KIAA2012: variants seen among roughly 807,000 people sequenced by gnomAD.
KIAA2012 encodes the protein uncharacterized protein KIAA2012.
Under a neutral mutation model 150.6 loss-of-function variants are expected in KIAA2012, and 125 were observed. The ratio of observed to expected loss-of-function variants is 0.83; its 90% CI spans 0.72 to 0.96. KIAA2012 has a LOEUF of 0.96. Ranked by LOEUF, KIAA2012 falls within the 40% of genes least tolerant of loss-of-function variation. The probability of loss-of-function intolerance (pLI) is 0.00; values close to 1 mark genes in which losing one functional copy is unlikely to be tolerated. For missense variants in KIAA2012, 1,219 were observed against 1,354.9 expected (o/e 0.90, Z 1.57); for synonymous variants, 462 against 504.7 (o/e 0.92, Z 1.13).
chr2:202,123,134 G>C (rs11687693), intron 11 of KIAA2012, among the ~76,000 whole-genome samples: 52,076 of 152,034 alleles, frequency 0.34, 9,179 homozygotes, highest in East Asian at 0.59. Flanking sequence ...GAGTTCTAAG[G>C]AAAACCCTGA....
In KIAA2012 at chr2:202,093,151, A is replaced by C; in HGVS notation, c.651A>C (p.Ser217=). The change falls in exon 4 of 24, where the codon TCA becomes TCC. Residue 217 remains serine, a synonymous_variant. Transcript: ENST00000498697. ...ACCATCTCCTGCCTGTCTTCCCTTC[A>C]TTTTGGATTCAACAAGGAAAATCTT... is the stretch of plus-strand genomic sequence containing the variant. The part of the protein sequence containing the change: ...PKYHLLPVFP[S]FWIQQGKSFE... The C allele has an allele frequency of 1.3e-6, 2 of 1,551,206 alleles. No individual in the cohort carries two copies. Among genetic ancestry groups the C allele is most frequent in the Non-Finnish European group, 1.7e-6 (2 of 1,147,118 alleles).
intron 15 of KIAA2012, among the ~76,000 whole-genome samples, chr2:202,166,657 C>CA (rs370368855): frequency 0.31 from 43,161 of 140,022 alleles, 7,193 homozygotes; most frequent in South Asian, 0.39. Context: ...ACCCTGTCTC[C>CA]AAAAAAAAAC....
intron 2 of KIAA2012, among the ~76,000 whole-genome samples, chr2:202,085,940 C>T (rs1225639566): frequency 1.3e-5 from 2 of 151,992 alleles, no homozygotes; most frequent in African/African-American, 4.8e-5. Context: ...GAGGCCGAGG[C>T]AGGCGGATCA....
chr2:202,160,157 T>G (rs1691618928), intron 14 of KIAA2012, among the ~76,000 whole-genome samples: 1 of 152,112 alleles, frequency 6.6e-6, no homozygotes, highest in Non-Finnish European at 1.5e-5. Context: ...CCCCACAATA[T>G]CAGAGATCTA....
intron 15 of KIAA2012, among the ~76,000 whole-genome samples, chr2:202,166,657 C>CAA (rs370368855): frequency 1.6e-4 from 23 of 140,170 alleles, no homozygotes; most frequent in Admixed American, 7.1e-4. Flanking sequence ...ACCCTGTCTC[C>CAA]AAAAAAAAAC....
chr2:202,193,430 G>C lies in KIAA2012; in HGVS notation c.2941G>C (p.Glu981Gln). 6.5e-7 allele frequency: 1 copy of C among 1,550,342 alleles called. No homozygotes were observed. Among genetic ancestry groups the C allele is most frequent in the Non-Finnish European group, 8.7e-7 (1 of 1,146,866 alleles). Residue 981 changes from glutamate to glutamine, a missense_variant, in exon 20 of 24, where the codon GAG becomes CAG. Glu to Gln is a conservative substitution (Grantham distance 29). Coordinates refer to ENST00000498697, the MANE Select transcript of KIAA2012 (RefSeq NM_001277372.4). ...EQEEQRQLQQ[E>Q]QLERAKKMEE... ...GGAAGAGCAAAGGCAGCTCCAGCAG[G>C]AGCAGCTGGAGAGAGCAAAAAAGAT...
chr2:202,078,745 A>T (rs1022177888), intron 2 of KIAA2012, among the ~76,000 whole-genome samples: 2 of 152,240 alleles, frequency 1.3e-5, no homozygotes, highest in African/African-American at 2.4e-5. Flanking sequence ...TCCTGGGCAT[A>T]AGTACTATTA....
At chr2:202,152,988 T>A (rs1691457689) in intron 13 of KIAA2012, among the ~76,000 whole-genome samples, 1 of 152,064 alleles carries the variant, frequency 6.6e-6, no homozygotes, top group South Asian at 2.1e-4. Flanking sequence ...CCCAGCAAAT[T>A]TGTCCCAAAA....
intron 12 of KIAA2012, among the ~76,000 whole-genome samples, chr2:202,132,753 T>C: frequency 9.3e-6 from 1 of 107,616 alleles, no homozygotes; most frequent in Non-Finnish European, 1.9e-5. Context: ...ATATAGTATA[T>C]ATGTATATAT....
chr2:202,096,522 C>A (rs1228865546), intron 4 of KIAA2012, among the ~76,000 whole-genome samples: 1 of 152,138 alleles, frequency 6.6e-6, no homozygotes, highest in Non-Finnish European at 1.5e-5. Context: ...CACCTGTGGG[C>A]AATTGACTCT....
At chr2:202,182,685 G>A (rs943381325) in intron 15 of KIAA2012, among the ~76,000 whole-genome samples, 1 of 152,112 alleles carries the variant, frequency 6.6e-6, no homozygotes, top group African/African-American at 2.4e-5. Flanking sequence ...AAAATACCTA[G>A]GGGTAGGATA....
rs13024221 is a variant in KIAA2012 at position 202,193,510 on chromosome 2, T to C, written c.3014+7T>C. The C allele has an allele frequency of 0.12, 190,381 of 1,549,526 alleles. 12,650 individuals carry two copies. Among genetic ancestry groups the C allele is most frequent in the Admixed American group, 0.15 (7,426 of 50,980 alleles). Reference sequence around the variant, plus strand: ...GACGTACAGAAGAGATCCGGTAGGTTGGGCAAGCCAAAGAGACTACAGCCA... The same window carrying C: ...GACGTACAGAAGAGATCCGGTAGGTCGGGCAAGCCAAAGAGACTACAGCCA... On this transcript the variant is annotated splice_region_variant and intron_variant, in intron 20 of 23. Transcript: ENST00000498697.
At chr2:202,199,482 A>G (rs575043783) in intron 22 of KIAA2012, among the ~76,000 whole-genome samples, 5 of 152,278 alleles carry the variant, frequency 3.3e-5, no homozygotes, top group African/African-American at 1.2e-4. Flanking sequence ...AAATCTTCAA[A>G]ATAGTCTTTA....
At chr2:202,203,466 T>C (rs1053118457) in intron 23 of KIAA2012, among the ~76,000 whole-genome samples, 1 of 152,202 alleles carries the variant, frequency 6.6e-6, no homozygotes, top group Non-Finnish European at 1.5e-5. Context: ...ATCCTCGAAG[T>C]ATAGATTCTA....
At chr2:202,134,613 GGC>G (rs1235054288) in intron 12 of KIAA2012, among the ~76,000 whole-genome samples, 1 of 152,226 alleles carries the variant, frequency 6.6e-6, no homozygotes, top group Non-Finnish European at 1.5e-5. Context: ...GGAGTGCAAT[GGC>G]ACGATCTTAG....
intron 3 of KIAA2012, among the ~76,000 whole-genome samples, chr2:202,092,573 A>T (rs1431126353): frequency 6.6e-6 from 1 of 152,162 alleles, no homozygotes; most frequent in Non-Finnish European, 1.5e-5. Flanking sequence ...GTCTGGTTCC[A>T]CTGTATCTAC....
At chr2:202,183,298 G>A (rs1463874641) in intron 15 of KIAA2012, among the ~76,000 whole-genome samples, 1 of 151,884 alleles carries the variant, frequency 6.6e-6, no homozygotes, top group African/African-American at 2.4e-5. Context: ...GTGCACACCT[G>A]TGGTACTGGC....
At chr2:202,141,151 G>A (rs898239540) in intron 13 of KIAA2012, among the ~76,000 whole-genome samples, 1 of 152,150 alleles carries the variant, frequency 6.6e-6, no homozygotes, top group African/African-American at 2.4e-5. Flanking sequence ...CGCTGTGATG[G>A]GAGAGCCTTC....
intron 15 of KIAA2012, among the ~76,000 whole-genome samples, chr2:202,169,438 C>A (rs568675856): frequency 6.6e-6 from 1 of 152,314 alleles, no homozygotes; most frequent in East Asian, 1.9e-4. Context: ...CCAGAACCTG[C>A]ACCTTCACCA....
Sources: gnomAD v4.1 joint callset for allele counts (sites outside exome capture counted in the v4.1 genomes callset) on GRCh38, gnomAD v4.1.1 for gene constraint, MANE v1.5 for transcripts, NCBI Gene and HGNC (gene_info 2026-07-23, HGNC 2026-07-21) for gene names.